The following ADGRL2 variants were observed in gnomAD, a reference collection of about 807,000 sequenced individuals.
ADGRL2 encodes the protein adhesion G protein-coupled receptor L2.
In ADGRL2, 44 loss-of-function variants were observed where a neutral mutation model predicts 157.4. The observed-to-expected ratio is 0.28, with a 90% confidence interval of 0.22 to 0.36. ADGRL2 has a LOEUF of 0.36. Among genes scored for constraint, ADGRL2 ranks in the 10% least tolerant of loss-of-function variants. ADGRL2 has a pLI of 1.00. For missense variants in ADGRL2, 1,510 were observed against 1,768.9 expected (o/e 0.85, Z 2.63); for synonymous variants, 585 against 624.7 (o/e 0.94, Z 0.95).
intron 1 of ADGRL2, among the ~76,000 whole-genome samples, chr1:81,816,159 A>C (rs191429949): frequency 6.6e-6 from 1 of 151,844 alleles, no homozygotes; most frequent in African/African-American, 2.4e-5. Context: ...CAAGAGGAGC[A>C]TATCAAGGTT....
intron 1 of ADGRL2, among the ~76,000 whole-genome samples, chr1:81,751,951 T>A (rs1327978148): frequency 1.3e-5 from 2 of 152,170 alleles, no homozygotes; most frequent in African/African-American, 4.8e-5. Flanking sequence ...GGAATAGGTT[T>A]CAGGTTAGTT....
At chr1:81,380,518 A>T (rs1021872548) in intron 1 of ADGRL2, among the ~76,000 whole-genome samples, 2 of 152,200 alleles carry the variant, frequency 1.3e-5, no homozygotes, top group Admixed American at 6.5e-5. Context: ...TTATTTTAAC[A>T]TTAATCCATC....
chr1:81,927,440 A>G (rs2095133615), intron 3 of ADGRL2, among the ~76,000 whole-genome samples: 1 of 152,010 alleles, frequency 6.6e-6, no homozygotes, highest in South Asian at 2.1e-4. Flanking sequence ...ATTTTAAAAA[A>G]TCAGGATTAT....
intron 17 of ADGRL2, among the ~76,000 whole-genome samples, chr1:81,974,992 T>C (rs1187377143): frequency 2.6e-5 from 4 of 152,026 alleles, no homozygotes; most frequent in Non-Finnish European, 5.9e-5. Flanking sequence ...TTACTCTTTT[T>C]GGCTGAATAA....
chr1:81,863,106 A>T (rs368087958), intron 2 of ADGRL2, among the ~76,000 whole-genome samples: 2 of 152,296 alleles, frequency 1.3e-5, no homozygotes, highest in East Asian at 3.9e-4. Context: ...CAGTGAAGTT[A>T]GATGATTTGT....
At chr1:81,965,999 T>A (rs754206146) in intron 11 of ADGRL2, 59 bp from the exon 12 acceptor site, 1 of 1,553,862 alleles carries the variant, frequency 6.4e-7, no homozygotes, top group Non-Finnish European at 8.8e-7. Context: ...ATTTGCCTCC[T>A]TAGTTAACTC....
In ADGRL2 at chr1:81,960,371, C is replaced by A. The variant is rs185837451; in HGVS notation, c.2017+4311C>A. On this transcript the variant is annotated intron_variant, in intron 11 of 23. Transcript: ENST00000686636. Reference sequence around the variant, plus strand: ...TGCATCTTATCAACAAGCACATAATCTTTGGTTTTATTTCCTTGTGATTTT... The same window carrying A: ...TGCATCTTATCAACAAGCACATAATATTTGGTTTTATTTCCTTGTGATTTT... Among the ~76,000 whole-genome samples the A allele has an allele frequency of 6.1e-4, 93 of 152,202 alleles. 2 individuals carry two copies. The East Asian group carries it at 0.017, about 28-fold the overall frequency.
intron 17 of ADGRL2, among the ~76,000 whole-genome samples, chr1:81,974,863 T>G (rs1659717888): frequency 6.6e-6 from 1 of 152,094 alleles, no homozygotes; most frequent in East Asian, 1.9e-4. Flanking sequence ...TTGAATTTTA[T>G]CAGCAAATTA....
intron 3 of ADGRL2, among the ~76,000 whole-genome samples, chr1:81,915,693 G>C (rs1302400650): frequency 6.6e-6 from 1 of 152,084 alleles, no homozygotes; most frequent in African/African-American, 2.4e-5. Flanking sequence ...ATTAGTTTTT[G>C]AAAGCAAAGC....
chr1:81,860,701 C>G (rs1358832783), intron 2 of ADGRL2, among the ~76,000 whole-genome samples: 1 of 152,048 alleles, frequency 6.6e-6, no homozygotes, highest in African/African-American at 2.4e-5. Flanking sequence ...TAGTTACTTT[C>G]TCTGGTTCAA....
chr1:81,727,168 T>C (rs904873261), intron 1 of ADGRL2, among the ~76,000 whole-genome samples: 3 of 152,214 alleles, frequency 2.0e-5, no homozygotes, highest in Non-Finnish European at 4.4e-5. Context: ...CTTGCCCTCA[T>C]TGAGCTTCTA....
At chr1:81,635,811 C>T (rs1475747536) in intron 3 of ADGRL2, among the ~76,000 whole-genome samples, 1 of 152,174 alleles carries the variant, frequency 6.6e-6, no homozygotes, top group East Asian at 1.9e-4. Flanking sequence ...CTGAATGTTT[C>T]ATCATTAAAG....
chr1:81,446,173 C>T (rs1408098874), intron 2 of ADGRL2, among the ~76,000 whole-genome samples: 1 of 152,006 alleles, frequency 6.6e-6, no homozygotes, highest in East Asian at 1.9e-4. Flanking sequence ...GTTCCTGGCT[C>T]GCTCTAGGTG....
At chr1:81,839,611 A>G (rs2092452896) in intron 2 of ADGRL2, among the ~76,000 whole-genome samples, 1 of 151,686 alleles carries the variant, frequency 6.6e-6, no homozygotes, top group African/African-American at 2.4e-5. Context: ...GCTCCTACAT[A>G]TCAGTGAGAA....
In ADGRL2 at chr1:81,955,890, C is replaced by G; in HGVS notation, c.1847C>G (p.Thr616Arg). 6.3e-7 allele frequency: 1 copy of G among 1,582,586 alleles called. No individual in the cohort carries two copies. Among genetic ancestry groups the G allele is most frequent in the Non-Finnish European group, 8.6e-7 (1 of 1,166,460 alleles). Residue 616 changes from threonine to arginine, a missense_variant, in exon 11 of 24, where the codon ACA becomes AGA. Coordinates refer to ENST00000686636, the MANE Select transcript of ADGRL2 (RefSeq NM_001366006.2). ...TAATGGATACAGGCAATTGTTGACA[C>G]AGTGGACAACCTTCTGAGACCCGAA... ...CRAYLKAIVDTVDNLLRPEAL... is the reference protein window; with the variant it reads ...CRAYLKAIVDRVDNLLRPEAL...
chr1:81,886,558 T>C (rs2094134049), intron 2 of ADGRL2, among the ~76,000 whole-genome samples: 1 of 152,192 alleles, frequency 6.6e-6, no homozygotes, highest in African/African-American at 2.4e-5. Context: ...GTTCACCTTC[T>C]TAGAGTGAGT....
intron 3 of ADGRL2, among the ~76,000 whole-genome samples, chr1:81,653,371 T>C (rs892943989): frequency 7.3e-5 from 11 of 150,534 alleles, no homozygotes; most frequent in African/African-American, 2.4e-4. Flanking sequence ...CATTCTTACA[T>C]AGAGACCTTT....
intron 2 of ADGRL2, among the ~76,000 whole-genome samples, chr1:81,889,420 C>A (rs1571934161): frequency 6.6e-6 from 1 of 152,180 alleles, no homozygotes; most frequent in Admixed American, 6.5e-5. Context: ...TCTCAAGATT[C>A]TCTTAAGCCA....
In ADGRL2 at chr1:81,772,205, G is replaced by A. The variant is rs182372575; in HGVS notation, c.-101+10353G>A. Among the ~76,000 whole-genome samples, 796 of 147,388 alleles carry A rather than the reference G, an allele frequency of 5.4e-3. 10 individuals are homozygous for A. Among genetic ancestry groups the A allele is most frequent in the African/African-American group, 0.018 (740 of 40,134 alleles). ...GCGGAAGTTGCAGTGAGCCGAGATC[G>A]TGCCACTGCACTCCAGCCTGGGCTA... On this transcript the variant is annotated intron_variant, in intron 2 of 20. Transcript: ENST00000359929.
Sources: allele counts gnomAD v4.1 joint callset (sites outside exome capture counted in the v4.1 genomes callset), GRCh38; gene constraint gnomAD v4.1.1; transcripts MANE v1.5; gene names NCBI Gene and HGNC (gene_info 2026-07-23, HGNC 2026-07-21).